Variants in PARD6G observed in about 807,000 individuals in gnomAD.
The protein encoded by PARD6G is par-6 family cell polarity regulator gamma, also known as partitioning defective 6 homolog gamma.
In PARD6G, 7 loss-of-function variants were observed where a neutral mutation model predicts 10.7. The observed-to-expected ratio is 0.66, with a 90% CI of 0.37 to 1.23. PARD6G has a LOEUF of 1.23. PARD6G is among the 50% of genes most tolerant of loss of function. PARD6G has a pLI of 0.02. For missense variants in PARD6G, 548 were observed against 571.8 expected, an observed-to-expected ratio of 0.96 and a Z score of 0.42; for synonymous variants, 287 against 269.4, an observed-to-expected ratio of 1.07 and a Z score of -0.64.
At chr18:80,238,507 TA>T (rs1967452081) in intron 1 of PARD6G, among the ~76,000 whole-genome samples, 1 of 151,260 alleles carries the variant, frequency 6.6e-6, no homozygotes, top group East Asian at 1.9e-4. Flanking sequence ...AAAAAACAAC[TA>T]TTTTTTTAAC....
chr18:80,239,979 T>C (rs1599879532), intron 1 of PARD6G, among the ~76,000 whole-genome samples: 1 of 152,070 alleles, frequency 6.6e-6, no homozygotes, highest in East Asian at 1.9e-4. Context: ...AGAGCCGGCA[T>C]GTGCAGAGAT....
intron 2 of PARD6G, among the ~76,000 whole-genome samples, chr18:80,163,647 G>A (rs2052715927): frequency 6.6e-6 from 1 of 152,240 alleles, no homozygotes; most frequent in Admixed American, 6.5e-5. Flanking sequence ...CTCTGGCCGT[G>A]GTGCACGGTG....
intron 1 of PARD6G, among the ~76,000 whole-genome samples, chr18:80,214,138 A>G (rs950220706): frequency 1.3e-5 from 2 of 151,948 alleles, no homozygotes; most frequent in African/African-American, 2.4e-5. Flanking sequence ...AAAGGAAAAC[A>G]TTTCTAAAGA....
chr18:80,210,811 C>T (rs145192802), intron 1 of PARD6G, among the ~76,000 whole-genome samples: 5 of 152,260 alleles, frequency 3.3e-5, no homozygotes, highest in East Asian at 1.9e-4. Flanking sequence ...GAACTTACAA[C>T]GAGTTACTTG....
At position 80,160,475 on chromosome 18, in the gene PARD6G, C is replaced by T. The variant is rs1490741398; in HGVS notation, c.427G>A (p.Val143Ile). ...AGGTCCACATCGATGATGGATGATA[C>T]GGGGCGGAAGTCGCGCGGGAGGCCG... ...DIGLPRDFRP[V>I]SSIIDVDLVP... The change falls in exon 3 of 3, where the codon GTA (valine) becomes ATA (isoleucine). Residue 143 changes from valine to isoleucine, a missense_variant. Coordinates refer to ENST00000353265, the MANE Select transcript of PARD6G (RefSeq NM_032510.4). 4 of 1,563,544 alleles carry T rather than the reference C, an allele frequency of 2.6e-6. No homozygotes were observed. The highest frequency in any genetic ancestry group is 1.8e-5 in the Admixed American group (1 of 54,506).
intron 1 of PARD6G, among the ~76,000 whole-genome samples, chr18:80,215,575 G>A (rs1476497032): frequency 6.6e-6 from 1 of 152,084 alleles, no homozygotes; most frequent in Non-Finnish European, 1.5e-5. Flanking sequence ...GAGCTAGATT[G>A]TTTTAAATTA....
intron 2 of PARD6G, among the ~76,000 whole-genome samples, chr18:80,174,158 G>A (rs2052794280): frequency 6.6e-6 from 1 of 152,180 alleles, no homozygotes; most frequent in African/African-American, 2.4e-5. Context: ...GCTGCAGCAA[G>A]TTCACAGCCA....
chr18:80,229,991 T>C (rs1967339468), intron 1 of PARD6G, among the ~76,000 whole-genome samples: 1 of 152,156 alleles, frequency 6.6e-6, no homozygotes, highest in African/African-American at 2.4e-5. Flanking sequence ...CCCCCACGCA[T>C]CCAGGTGGGT....
intron 1 of PARD6G, among the ~76,000 whole-genome samples, chr18:80,234,789 A>G (rs2145304076): frequency 6.6e-6 from 1 of 152,324 alleles, no homozygotes. Context: ...AAAGGGATCA[A>G]TTCAACAAGA....
Position 80,188,913 on chromosome 18 carries a change from G to C in PARD6G, c.295+13797C>G. Among the ~76,000 whole-genome samples, 1 of 152,196 alleles carries C rather than the reference G, an allele frequency of 6.6e-6. No individual in the cohort carries two copies. On this transcript the variant is annotated intron_variant, in intron 2 of 2. Coordinates refer to ENST00000353265, the MANE Select transcript of PARD6G (RefSeq NM_032510.4). This position sits in a 1 kb window ranked among gnomAD's most constrained non-coding sequence, Gnocchi z 5.4. ...GACTTGCTGGGGCATCTGAACACAAGAGTGACCTGGGGGGTGAATGCAGAC... is the reference window on the plus strand; with the variant it reads ...GACTTGCTGGGGCATCTGAACACAACAGTGACCTGGGGGGTGAATGCAGAC...
Position 80,160,462 on chromosome 18 carries a change from A to G in PARD6G, c.440T>C (p.Ile147Thr), listed in dbSNP as rs2145238678. 1 of 1,571,530 alleles carries G rather than the reference A, an allele frequency of 6.4e-7. No homozygotes were observed. The highest frequency in any genetic ancestry group is 1.3e-5 in the African/African-American group (1 of 74,226). ...PRDFRPVSSI[I>T]DVDLVPETHR... ...CGTCTCGGGGACCAGGTCCACATCG[A>G]TGATGGATGATACGGGGCGGAAGTC... The change falls in exon 3 of 3, where the codon ATC (isoleucine) becomes ACC (threonine). Residue 147 changes from isoleucine to threonine, a missense_variant. Coordinates refer to ENST00000353265, the MANE Select transcript of PARD6G (RefSeq NM_032510.4).
chr18:80,166,178 CTTCT>C (rs1201231998), intron 2 of PARD6G, among the ~76,000 whole-genome samples: 1 of 152,002 alleles, frequency 6.6e-6, no homozygotes, highest in Non-Finnish European at 1.5e-5. Context: ...TGTATTTTTC[CTTCT>C]GAGATGAAGG....
intron 2 of PARD6G, among the ~76,000 whole-genome samples, chr18:80,174,252 A>C (rs1260322617): frequency 6.6e-6 from 1 of 152,172 alleles, no homozygotes; most frequent in Non-Finnish European, 1.5e-5. Flanking sequence ...CCTCCTCAGG[A>C]AAGTCCCAGA....
intron 1 of PARD6G, among the ~76,000 whole-genome samples, chr18:80,230,196 A>G (rs948113476): frequency 6.6e-6 from 1 of 152,212 alleles, no homozygotes; most frequent in Non-Finnish European, 1.5e-5. Flanking sequence ...GCCCAGACGC[A>G]TTCCAGCTGT....
chr18:80,199,185 G>A (rs1966985883), intron 2 of PARD6G, among the ~76,000 whole-genome samples: 1 of 152,204 alleles, frequency 6.6e-6, no homozygotes, highest in African/African-American at 2.4e-5. Flanking sequence ...CACAGGGTTA[G>A]GTTCCTGTTA....
chr18:80,168,180 GA>G (rs2052749202), intron 2 of PARD6G, among the ~76,000 whole-genome samples: 1 of 152,184 alleles, frequency 6.6e-6, no homozygotes, highest in Non-Finnish European at 1.5e-5. Context: ...GCTCAGGTGA[GA>G]GAACACACAA....
At chr18:80,242,120 CA>C (rs927739044) in intron 1 of PARD6G, among the ~76,000 whole-genome samples, 1 of 152,202 alleles carries the variant, frequency 6.6e-6, no homozygotes, top group African/African-American at 2.4e-5. Flanking sequence ...AAGAAATTGG[CA>C]GCCTCCAGGG....
At chr18:80,232,730 C>T (rs1340939025) in intron 1 of PARD6G, among the ~76,000 whole-genome samples, 2 of 152,142 alleles carry the variant, frequency 1.3e-5, no homozygotes, top group Non-Finnish European at 2.9e-5. Flanking sequence ...CCATCTCCAC[C>T]AGACAGACTG....
intron 1 of PARD6G, among the ~76,000 whole-genome samples, chr18:80,224,751 G>A (rs1464985089): frequency 6.6e-6 from 1 of 152,132 alleles, no homozygotes; most frequent in Admixed American, 6.5e-5. Context: ...GGAGGCTGAG[G>A]CAGGAGAATG....
Sources: gnomAD v4.1 joint callset for allele counts (sites outside exome capture counted in the v4.1 genomes callset) on GRCh38, gnomAD v4.1.1 for gene constraint, Gnocchi (gnomAD v3.1) non-coding constraint, MANE v1.5 for transcripts, NCBI Gene and HGNC (gene_info 2026-07-23, HGNC 2026-07-21) for gene names.